The following RUNX2 variants were observed in gnomAD, a reference collection of about 807,000 sequenced individuals.
The protein encoded by RUNX2 is RUNX family transcription factor 2, also known as runt-related transcription factor 2.
Under a neutral mutation model 51.7 loss-of-function variants are expected in RUNX2, and 10 were observed. That is an observed-to-expected ratio of 0.19 (90% confidence interval 0.12 to 0.33). The LOEUF is 0.33. Among genes scored for constraint, RUNX2 ranks in the 10% least tolerant of loss-of-function variants. The probability of loss-of-function intolerance (pLI) is 1.00; values close to 1 mark genes in which losing one functional copy is unlikely to be tolerated. For synonymous variants in RUNX2, 276 were observed against 273.6 expected, an observed-to-expected ratio of 1.01 and a Z score of -0.09; for missense variants, 562 against 691.3, an observed-to-expected ratio of 0.81 and a Z score of 2.10.
At position 45,451,213 on chromosome 6, in the gene RUNX2, C is replaced by T. The variant is rs149548252; in HGVS notation, c.685+13162C>T. Among the ~76,000 whole-genome samples the T allele has an allele frequency of 8.6e-5, 13 of 151,982 alleles. No individual in the cohort carries two copies. In the East Asian group the frequency reaches 1.9e-3, roughly 23 times the overall value. ...CTTGAAGAGCTCTGGTGAGAAAAAT[C>T]GAGTGGGAGGAGGTGGAGGGGGAAT... On this transcript the variant is annotated intron_variant, in intron 5 of 8. Coordinates refer to ENST00000647337, the MANE Select transcript of RUNX2 (RefSeq NM_001024630.4).
chr6:45,546,475 C>T (rs548149515), intron 8 of RUNX2, among the ~76,000 whole-genome samples: 18 of 152,072 alleles, frequency 1.2e-4, no homozygotes, highest in East Asian at 1.9e-4. Flanking sequence ...TAAAGTGCAA[C>T]GAGAAGCAAA....
intron 3 of RUNX2, among the ~76,000 whole-genome samples, chr6:45,423,827 G>C (rs973009276): frequency 6.6e-6 from 1 of 152,188 alleles, no homozygotes; most frequent in East Asian, 1.9e-4. Context: ...GAACCCTCGA[G>C]TGCTGGGAGG....
At chr6:45,407,004 A>G (rs1479664529) in intron 2 of RUNX2, among the ~76,000 whole-genome samples, 1 of 152,186 alleles carries the variant, frequency 6.6e-6, no homozygotes, top group Non-Finnish European at 1.5e-5. Context: ...CTACCACCCC[A>G]CTTATAAAAT....
At chr6:45,466,355 A>G (rs1392228946) in intron 5 of RUNX2, among the ~76,000 whole-genome samples, 1 of 152,172 alleles carries the variant, frequency 6.6e-6, no homozygotes, top group East Asian at 1.9e-4. Flanking sequence ...AATATTATAA[A>G]GTATTTACGA....
At chr6:45,372,944 A>C (rs2396503) in intron 2 of RUNX2, among the ~76,000 whole-genome samples, 2 of 152,042 alleles carry the variant, frequency 1.3e-5, no homozygotes, top group Non-Finnish European at 2.9e-5. Context: ...CAGCCTCCCA[A>C]GTAGCAGGTG....
chr6:45,538,467 T>C (rs1398179830), intron 7 of RUNX2, among the ~76,000 whole-genome samples: 3 of 152,074 alleles, frequency 2.0e-5, no homozygotes, highest in Non-Finnish European at 2.9e-5. Context: ...TGATTTAAGA[T>C]AAGATTACCA....
At chr6:45,533,171 T>C (rs1390418674) in intron 7 of RUNX2, among the ~76,000 whole-genome samples, 1 of 152,038 alleles carries the variant, frequency 6.6e-6, no homozygotes, top group Non-Finnish European at 1.5e-5. Context: ...GAGAGGGGAA[T>C]GTTATCGAAC....
At chr6:45,350,063 T>C (rs1791700470) in intron 2 of RUNX2, among the ~76,000 whole-genome samples, 1 of 152,118 alleles carries the variant, frequency 6.6e-6, no homozygotes, top group African/African-American at 2.4e-5. Context: ...AAGTCTAAAG[T>C]TTTTATACAC....
At chr6:45,519,449 G>A (rs1208771866) in intron 7 of RUNX2, among the ~76,000 whole-genome samples, 1 of 152,108 alleles carries the variant, frequency 6.6e-6, no homozygotes, top group African/African-American at 2.4e-5. Context: ...AGTTCTATGG[G>A]TTTTATCATA....
intron 2 of RUNX2, among the ~76,000 whole-genome samples, chr6:45,418,616 A>G (rs1798113676): frequency 6.6e-6 from 1 of 152,220 alleles, no homozygotes; most frequent in Admixed American, 6.5e-5. Flanking sequence ...GATTAACAGG[A>G]GAGGTTTGGT....
chr6:45,412,674 C>CT (rs549531306), intron 2 of RUNX2, among the ~76,000 whole-genome samples: 11,747 of 146,574 alleles, frequency 0.08, 605 homozygotes, highest in African/African-American at 0.15. Flanking sequence ...TTTTTTCCTA[C>CT]TTTTTTTTTT....
intron 2 of RUNX2, among the ~76,000 whole-genome samples, chr6:45,338,040 A>G (rs2150118984): frequency 6.6e-6 from 1 of 152,144 alleles, no homozygotes; most frequent in African/African-American, 2.4e-5. Flanking sequence ...ACTTAAACTT[A>G]CAGAATTTAG....
At chr6:45,498,466 C>T (rs1800710214) in intron 6 of RUNX2, among the ~76,000 whole-genome samples, 1 of 152,112 alleles carries the variant, frequency 6.6e-6, no homozygotes, top group African/African-American at 2.4e-5. Context: ...TTTCTTCTGT[C>T]CATTATACAT....
At chr6:45,354,981 AG>A (rs1196836727) in intron 2 of RUNX2, among the ~76,000 whole-genome samples, 1 of 152,038 alleles carries the variant, frequency 6.6e-6, no homozygotes, top group East Asian at 1.9e-4. Context: ...TAGCACTTTG[AG>A]GTTTTTTTTG....
At chr6:45,427,395 T>A (rs1256455299) in intron 3 of RUNX2, among the ~76,000 whole-genome samples, 2 of 152,090 alleles carry the variant, frequency 1.3e-5, no homozygotes, top group Non-Finnish European at 2.9e-5. Context: ...ATCTTTGACA[T>A]ATATATTTTT....
chr6:45,490,641 G>A (rs1028001570), intron 5 of RUNX2, among the ~76,000 whole-genome samples: 1 of 152,166 alleles, frequency 6.6e-6, no homozygotes, highest in Non-Finnish European at 1.5e-5. Context: ...TGGAAGCTAA[G>A]GCGTTTGCGC....
At chr6:45,395,575 T>A (rs58676136) in intron 2 of RUNX2, among the ~76,000 whole-genome samples, 1,746 of 152,288 alleles carry the variant, frequency 0.011, 43 homozygotes, top group African/African-American at 0.04. Context: ...GTGACAAAAA[T>A]TTAGCAAAAG....
At chr6:45,545,174 A>C in intron 7 of RUNX2, 43 bp from the exon 8 acceptor site, 2 of 1,439,056 alleles carry the variant, frequency 1.4e-6, no homozygotes, top group Non-Finnish European at 1.9e-6. Context: ...ATAGAACATT[A>C]GAGCTGGAAG....
intron 7 of RUNX2, among the ~76,000 whole-genome samples, chr6:45,533,551 C>CT (rs1228232732): frequency 2.6e-5 from 4 of 152,176 alleles, no homozygotes; most frequent in Non-Finnish European, 5.9e-5. Flanking sequence ...TGAGTTAATT[C>CT]TGTGTGCAGG....
Sources: allele counts gnomAD v4.1 joint callset (sites outside exome capture counted in the v4.1 genomes callset), GRCh38; gene constraint gnomAD v4.1.1; transcripts MANE v1.5; gene names NCBI Gene and HGNC (gene_info 2026-07-23, HGNC 2026-07-21).